Variants in ST6GALNAC3 observed in about 807,000 individuals in gnomAD.
The protein encoded by ST6GALNAC3 is alpha-N-acetylgalactosaminide alpha-2,6-sialyltransferase 3.
A neutral mutation model predicts 32.7 loss-of-function variants in ST6GALNAC3; 25 were observed. The observed-to-expected ratio is 0.76, with a 90% confidence interval of 0.56 to 1.07. ST6GALNAC3 has a LOEUF of 1.07. Ranked by LOEUF, ST6GALNAC3 falls within the 50% of genes least tolerant of loss-of-function variation. The pLI is 0.00. For synonymous variants in ST6GALNAC3, 129 were observed against 133.1 expected (o/e 0.97, Z 0.21); for missense variants, 355 against 382.4 (o/e 0.93, Z 0.60).
intron 3 of ST6GALNAC3, among the ~76,000 whole-genome samples, chr1:76,601,808 G>A (rs1206904486): frequency 6.6e-6 from 1 of 152,188 alleles, no homozygotes; most frequent in Non-Finnish European, 1.5e-5. Flanking sequence ...AGGAGATAAA[G>A]AGACTAGCAC....
intron 3 of ST6GALNAC3, among the ~76,000 whole-genome samples, chr1:76,604,818 A>C (rs891061074): frequency 6.6e-6 from 1 of 152,166 alleles, no homozygotes; most frequent in African/African-American, 2.4e-5. Flanking sequence ...TCAAATTAGA[A>C]ATCACTTTAA....
At chr1:76,074,944 C>A in intron 1 of ST6GALNAC3, 60 bp downstream of exon 1, 2 of 1,562,540 alleles carry the variant, frequency 1.3e-6, no homozygotes, top group Non-Finnish European at 1.7e-6. Flanking sequence ...TGCTCAGAGG[C>A]ACGGAGTCAG....
At chr1:76,170,863 G>T (rs995115242) in intron 1 of ST6GALNAC3, among the ~76,000 whole-genome samples, 4 of 152,106 alleles carry the variant, frequency 2.6e-5, no homozygotes, top group Non-Finnish European at 5.9e-5. Context: ...AGATGTTGTT[G>T]TGGTCTCTCA....
chr1:76,178,196 A>G (rs1652963633), intron 1 of ST6GALNAC3, among the ~76,000 whole-genome samples: 1 of 152,234 alleles, frequency 6.6e-6, no homozygotes, highest in Admixed American at 6.5e-5. Flanking sequence ...ACAGGAGAAT[A>G]AACAATGTAA....
intron 3 of ST6GALNAC3, among the ~76,000 whole-genome samples, chr1:76,431,667 A>G: frequency 6.6e-6 from 1 of 152,222 alleles, no homozygotes; most frequent in Non-Finnish European, 1.5e-5. Context: ...TAGAACAAGA[A>G]GCTGATTCTC....
In ST6GALNAC3 at chr1:76,628,633, A is replaced by G. The variant is rs114005758; in HGVS notation, c.745A>G (p.Arg249Gly). The G allele has an allele frequency of 5.0e-5, 81 of 1,606,850 alleles. No homozygotes were observed. The East Asian group carries it at 1.1e-3, about 22-fold the overall frequency. The change falls in exon 5 of 5, where the codon AGA becomes GGA. Residue 249 changes from arginine (R) to glycine (G), a missense_variant. Arg to Gly is a moderately radical substitution (Grantham distance 125). Transcript: ENST00000328299. ...TTTCTTTTCTAGGACAGAAGGGTAT[A>G]GAAAAGTCCCCTACCATTATTATGA... Reference protein sequence around the residue: ...NDTYCKTEGYRKVPYHYYEQG... With the variant: ...NDTYCKTEGYGKVPYHYYEQG...
intron 2 of ST6GALNAC3, among the ~76,000 whole-genome samples, chr1:76,328,162 A>T (rs565452698): frequency 6.6e-6 from 1 of 152,264 alleles, no homozygotes; most frequent in Admixed American, 6.5e-5. Flanking sequence ...TAGTCATATA[A>T]TCAATTACAC....
chr1:76,440,578 T>G (rs1349562655), intron 3 of ST6GALNAC3, among the ~76,000 whole-genome samples: 3 of 152,240 alleles, frequency 2.0e-5, no homozygotes, highest in Admixed American at 6.5e-5. Context: ...AGAATCTTTT[T>G]GTTCTTCATC....
At chr1:76,278,933 C>G (rs9437395) in intron 1 of ST6GALNAC3, among the ~76,000 whole-genome samples, 73,681 of 152,032 alleles carry the variant, frequency 0.48, 18,137 homozygotes, top group African/African-American at 0.57. Flanking sequence ...AGAATGTTCA[C>G]AATTTTCTAA....
chr1:76,402,454 G>A (rs1653498083), intron 2 of ST6GALNAC3, among the ~76,000 whole-genome samples: 1 of 152,058 alleles, frequency 6.6e-6, no homozygotes, highest in African/African-American at 2.4e-5. Flanking sequence ...TAGTGCCCAT[G>A]ACTATTTCTC....
chr1:76,154,181 A>G (rs1651237760), intron 1 of ST6GALNAC3, among the ~76,000 whole-genome samples: 1 of 152,108 alleles, frequency 6.6e-6, no homozygotes, highest in Non-Finnish European at 1.5e-5. Context: ...CACCAAGATC[A>G]TGAGGAGGAG....
chr1:76,358,990 G>A (rs1345307224), intron 2 of ST6GALNAC3, among the ~76,000 whole-genome samples: 1 of 152,102 alleles, frequency 6.6e-6, no homozygotes, highest in Admixed American at 6.6e-5. Flanking sequence ...AGTCTGTACT[G>A]GCATCAGGTT....
In ST6GALNAC3 at chr1:76,468,536, G is replaced by T. The variant is rs536713779; in HGVS notation, c.623+56119G>T. 2.0e-5 allele frequency among the ~76,000 whole-genome samples: 3 copies of T among 152,136 alleles called. No individual in the cohort carries two copies. The East Asian group carries it at 5.8e-4, about 29-fold the overall frequency. On this transcript the variant is annotated intron_variant, in intron 3 of 4. Transcript: ENST00000328299. Reference sequence around the variant, plus strand: ...CATCACTAAATATGGCAGCCCTGAAGTTAATTAAATAATGCAAATGCTCAA... The same window carrying T: ...CATCACTAAATATGGCAGCCCTGAATTTAATTAAATAATGCAAATGCTCAA...
At chr1:76,266,434 C>T (rs1024327620) in intron 1 of ST6GALNAC3, among the ~76,000 whole-genome samples, 3 of 152,186 alleles carry the variant, frequency 2.0e-5, no homozygotes, top group Admixed American at 6.5e-5. Flanking sequence ...AACCTGCAGC[C>T]TTTATTTTAT....
At chr1:76,595,446 C>G (rs1208171757) in intron 3 of ST6GALNAC3, among the ~76,000 whole-genome samples, 3 of 152,138 alleles carry the variant, frequency 2.0e-5, no homozygotes, top group Non-Finnish European at 4.4e-5. Flanking sequence ...AGAAGGTTTG[C>G]ACCCTTTCCC....
chr1:76,493,174 A>G (rs1274713759), intron 3 of ST6GALNAC3, among the ~76,000 whole-genome samples: 1 of 152,156 alleles, frequency 6.6e-6, no homozygotes, highest in African/African-American at 2.4e-5. Context: ...GCCTTTGGAA[A>G]TAAAGAACAT....
chr1:76,608,546 C>A (rs901685815), intron 3 of ST6GALNAC3, among the ~76,000 whole-genome samples: 1 of 150,656 alleles, frequency 6.6e-6, no homozygotes, highest in Non-Finnish European at 1.5e-5. Flanking sequence ...AAGAGAGAAC[C>A]CTCTCAGAAG....
chr1:76,403,938 C>G (rs1653623592), intron 2 of ST6GALNAC3, among the ~76,000 whole-genome samples: 1 of 150,458 alleles, frequency 6.6e-6, no homozygotes, highest in Non-Finnish European at 1.5e-5. Context: ...GTGTTTTTTG[C>G]CTCCCAGTCT....
intron 3 of ST6GALNAC3, among the ~76,000 whole-genome samples, chr1:76,464,023 A>G (rs1176952263): frequency 6.6e-6 from 1 of 151,998 alleles, no homozygotes; most frequent in Non-Finnish European, 1.5e-5. Context: ...TCCATGTTCT[A>G]GTGACTGCTC....
Sources: allele counts gnomAD v4.1 joint callset (sites outside exome capture counted in the v4.1 genomes callset), GRCh38; gene constraint gnomAD v4.1.1; transcripts MANE v1.5; gene names NCBI Gene and HGNC (gene_info 2026-07-23, HGNC 2026-07-21).